Variants in C9orf153 observed in about 807,000 individuals in gnomAD.
C9orf153 encodes the protein uncharacterized protein C9orf153.
C9orf153 carries 10 observed loss-of-function variants against 9.0 expected under a neutral mutation model. That is an observed-to-expected ratio of 1.11 (90% CI 0.69 to 1.89). The LOEUF (loss-of-function observed/expected upper bound fraction) is 1.89. C9orf153 is among the 40% of genes most tolerant of loss of function. The pLI, the probability that C9orf153 is intolerant of heterozygous loss-of-function variation, is 0.00. For missense variants in C9orf153, 108 were observed against 111.0 expected, an observed-to-expected ratio of 0.97 and a Z score of 0.12; for synonymous variants, 35 against 37.3, an observed-to-expected ratio of 0.94 and a Z score of 0.23.
At chr9:86,242,651 T>C (rs766877039) in intron 1 of C9orf153, among the ~76,000 whole-genome samples, 2 of 152,202 alleles carry the variant, frequency 1.3e-5, no homozygotes, top group Non-Finnish European at 2.9e-5. Context: ...TATGCATAGT[T>C]GTGAATTCAC....
intron 1 of C9orf153, among the ~76,000 whole-genome samples, chr9:86,257,373 C>T (rs1384855239): frequency 6.6e-6 from 1 of 152,174 alleles, no homozygotes; most frequent in African/African-American, 2.4e-5. Context: ...CCTGAAGATT[C>T]CCCTGCAGAA....
At chr9:86,243,510 G>A (rs1415156307) in intron 1 of C9orf153, among the ~76,000 whole-genome samples, 1 of 148,494 alleles carries the variant, frequency 6.7e-6, no homozygotes, top group African/African-American at 2.5e-5. Context: ...TTGATGCTCA[G>A]GCTGGAGTGC....
intron 1 of C9orf153, among the ~76,000 whole-genome samples, chr9:86,247,500 G>A (rs1587808519): frequency 1.3e-5 from 2 of 152,094 alleles, no homozygotes; most frequent in East Asian, 3.9e-4. Context: ...TGGGTAACAT[G>A]GCAAAAACCT....
rs1193468026 is a variant in C9orf153 at position 86,220,992 on chromosome 9, A to G, written c.*696T>C. The G allele has an allele frequency of 6.6e-6, 1 of 152,134 alleles. No individual in the cohort carries two copies. Among genetic ancestry groups the G allele is most frequent in the African/African-American group, 2.4e-5 (1 of 41,440 alleles). The allele number at this position is 152,134 out of a possible 1,614,324, so 9.4% of individuals were successfully genotyped here. A position where few individuals can be genotyped will look rare whatever the true frequency, so the allele number is the denominator to read the frequency against. ...AGGGTTATTATTATAATTTTCAATG[A>G]CTATATCTTTCATTTCCAAGATTTC... On this transcript the variant is annotated 3_prime_UTR_variant, in exon 4 of 4. Coordinates refer to ENST00000339137, the MANE Select transcript of C9orf153 (RefSeq NM_001276366.4).
chr9:86,242,191 A>G (rs1274779974), intron 1 of C9orf153, among the ~76,000 whole-genome samples: 1 of 152,100 alleles, frequency 6.6e-6, no homozygotes, highest in Non-Finnish European at 1.5e-5. Flanking sequence ...AGGCAGAAGG[A>G]CCAGCCGGGG....
chr9:86,222,042 C>A (rs778053443), intron 3 of C9orf153, among the ~76,000 whole-genome samples: 4 of 152,054 alleles, frequency 2.6e-5, no homozygotes, highest in Non-Finnish European at 4.4e-5. Context: ...CCCGCCACCA[C>A]ACCCGGTTAC....
intron 1 of C9orf153, among the ~76,000 whole-genome samples, chr9:86,255,573 CCTCTT>C (rs971256648): frequency 3.3e-5 from 5 of 152,142 alleles, no homozygotes; most frequent in African/African-American, 1.2e-4. Flanking sequence ...AGCCAGGCCT[CCTCTT>C]CTCTCCCTGC....
chr9:86,250,221 T>C (rs899978086), intron 1 of C9orf153, among the ~76,000 whole-genome samples: 3 of 152,216 alleles, frequency 2.0e-5, no homozygotes, highest in Non-Finnish European at 4.4e-5. Flanking sequence ...CTTTTGCTCT[T>C]GAGAGACAGT....
At chr9:86,231,191 GAGA>G (rs1361499386) in intron 1 of C9orf153, among the ~76,000 whole-genome samples, 1 of 152,118 alleles carries the variant, frequency 6.6e-6, no homozygotes, top group Admixed American at 6.6e-5. Flanking sequence ...ATCCCAGATG[GAGA>G]AGAACTACCT....
intron 1 of C9orf153, among the ~76,000 whole-genome samples, chr9:86,242,023 G>A (rs1278449213): frequency 2.6e-5 from 4 of 152,182 alleles, no homozygotes; most frequent in Non-Finnish European, 5.9e-5. Flanking sequence ...TGCAATGAAG[G>A]TTATCAGAGA....
At chr9:86,243,737 G>A (rs1824802992) in intron 1 of C9orf153, among the ~76,000 whole-genome samples, 1 of 152,090 alleles carries the variant, frequency 6.6e-6, no homozygotes, top group African/African-American at 2.4e-5. Context: ...ATTGTTCTTA[G>A]GCTTTTCTAA....
chr9:86,229,377 T>C (rs1288699824), intron 2 of C9orf153, among the ~76,000 whole-genome samples, 161 bp downstream of exon 2: 4 of 152,166 alleles, frequency 2.6e-5, no homozygotes, highest in Non-Finnish European at 5.9e-5. Flanking sequence ...TGGGAAGAGC[T>C]ACACTTCTCT....
chr9:86,259,265 A>C (rs1825193717), intron 1 of C9orf153, among the ~76,000 whole-genome samples: 1 of 152,102 alleles, frequency 6.6e-6, no homozygotes, highest in Non-Finnish European at 1.5e-5. Flanking sequence ...GGGGAGAGAG[A>C]GCAGAGCTAT....
chr9:86,225,343 T>TTTCC (rs531428596), intron 3 of C9orf153, among the ~76,000 whole-genome samples: 1,549 of 151,736 alleles, frequency 0.01, 8 homozygotes, highest in Non-Finnish European at 0.015. Flanking sequence ...CCTTTCTTTC[T>TTTCC]TTCCTTCCTT....
In C9orf153 at chr9:86,221,621, C is replaced by A; in HGVS notation, c.*67G>T. The A allele has an allele frequency of 6.5e-7, 1 of 1,527,612 alleles. No homozygotes were observed. Among genetic ancestry groups the A allele is most frequent in the South Asian group, 1.2e-5 (1 of 80,286 alleles). 94.6% of individuals were successfully genotyped at this position (1,527,612 alleles called of 1,614,324 possible). On this transcript the variant is annotated 3_prime_UTR_variant, in exon 4 of 4. Transcript: ENST00000339137. ...GCATGTCCTGGCTCTCTACAAATCT[C>A]TTCTCAGTGTTGTATTTTATGTCTC... is the stretch of plus-strand genomic sequence containing the variant.
chr9:86,250,435 C>T (rs1824969715), intron 1 of C9orf153, among the ~76,000 whole-genome samples: 1 of 152,122 alleles, frequency 6.6e-6, no homozygotes, highest in East Asian at 1.9e-4. Context: ...TTCCATTCAG[C>T]ATGTCAAAGG....
chr9:86,248,686 C>T (rs148661784), intron 1 of C9orf153, among the ~76,000 whole-genome samples: 8 of 152,186 alleles, frequency 5.3e-5, no homozygotes, highest in Non-Finnish European at 8.8e-5. Flanking sequence ...CTGGCACTCC[C>T]CCAGTTGGGT....
At chr9:86,227,356 G>T in intron 3 of C9orf153, 1 of 1,526,032 alleles carries the variant, frequency 6.6e-7, no homozygotes. Flanking sequence ...TTTGGAGATG[G>T]GGTCTTTCTA....
intron 1 of C9orf153, among the ~76,000 whole-genome samples, chr9:86,255,932 C>A (rs1460677566): frequency 2.0e-5 from 3 of 152,146 alleles, no homozygotes; most frequent in African/African-American, 7.2e-5. Flanking sequence ...GGAAGGAGAA[C>A]TTTGATTTAA....
Sources: allele counts gnomAD v4.1 joint callset (sites outside exome capture counted in the v4.1 genomes callset), GRCh38; gene constraint gnomAD v4.1.1; transcripts MANE v1.5; gene names NCBI Gene and HGNC (gene_info 2026-07-23, HGNC 2026-07-21).